Variants in MYO1D observed in about 807,000 individuals in gnomAD.
The protein encoded by MYO1D is unconventional myosin-Id.
MYO1D carries 83 observed loss-of-function variants against 122.0 expected under a neutral mutation model. That is an observed-to-expected ratio of 0.68 (90% CI 0.57 to 0.82). The LOEUF (loss-of-function observed/expected upper bound fraction) is 0.82, where lower values mean the gene tolerates loss of function less well. MYO1D is among the 40% of genes least tolerant of loss of function. The pLI is 0.00. For synonymous variants in MYO1D, 464 were observed against 446.9 expected, an observed-to-expected ratio of 1.04 and a Z score of -0.48; for missense variants, 1,157 against 1,269.5, an observed-to-expected ratio of 0.91 and a Z score of 1.35.
intron 14 of MYO1D, among the ~76,000 whole-genome samples, chr17:32,733,732 G>C (rs1326831393): frequency 6.6e-6 from 1 of 152,068 alleles, no homozygotes; most frequent in East Asian, 1.9e-4. Context: ...CAGCTTTAGG[G>C]GTTTTTTCCT....
chr17:32,842,621 G>A (rs1437927713), intron 1 of MYO1D, among the ~76,000 whole-genome samples: 1 of 152,058 alleles, frequency 6.6e-6, no homozygotes, highest in Non-Finnish European at 1.5e-5. Context: ...ACAAAGCTGT[G>A]TGCCATTTCC....
At chr17:32,512,866 G>C (rs1327836553) in intron 21 of MYO1D, 1 of 152,314 alleles carries the variant, frequency 6.6e-6, no homozygotes, top group Non-Finnish European at 1.5e-5. Context: ...GCGATGAGCT[G>C]CCCTTTGGAG....
intron 8 of MYO1D, 134 bp downstream of exon 8, chr17:32,764,744 G>A (rs1355179065): frequency 2.1e-6 from 2 of 940,092 alleles, no homozygotes; most frequent in Non-Finnish European, 3.2e-6. Context: ...AGGCTTGTAT[G>A]GCCAGAAAGT....
intron 21 of MYO1D, among the ~76,000 whole-genome samples, chr17:32,528,107 G>A (rs1910400729): frequency 6.6e-6 from 1 of 152,196 alleles, no homozygotes. Context: ...AAAGTGCTGG[G>A]ATTACAGGCG....
At chr17:32,844,227 T>C (rs900788963) in intron 1 of MYO1D, among the ~76,000 whole-genome samples, 2 of 147,596 alleles carry the variant, frequency 1.4e-5, no homozygotes, top group Non-Finnish European at 3.0e-5. Flanking sequence ...TTAATATGTA[T>C]ATATCATGTA....
At chr17:32,722,441 G>A (rs1319416304) in intron 14 of MYO1D, among the ~76,000 whole-genome samples, 2 of 152,314 alleles carry the variant, frequency 1.3e-5, no homozygotes, top group East Asian at 1.9e-4. Flanking sequence ...TCCAGCTTCT[G>A]GAGGCTGCCC....
At chr17:32,525,889 G>C (rs2150870274) in intron 21 of MYO1D, among the ~76,000 whole-genome samples, 1 of 152,232 alleles carries the variant, frequency 6.6e-6, no homozygotes, top group Middle Eastern at 3.4e-3. Context: ...CCACCTACCT[G>C]CCCTTCTCGC....
chr17:32,523,601 AGTGCCAGTCCTAGCCTGGGCAACAT>A (rs1238171853), intron 21 of MYO1D, among the ~76,000 whole-genome samples: 1 of 152,038 alleles, frequency 6.6e-6, no homozygotes, highest in Non-Finnish European at 1.5e-5. Context: ...TTTACAATCG[AGTGCCAGTCCTAGCCTGGGCAACAT>A]GGAGAAACCC....
chr17:32,825,957 G>A (rs2090718252), intron 1 of MYO1D, among the ~76,000 whole-genome samples: 1 of 151,168 alleles, frequency 6.6e-6, no homozygotes, highest in African/African-American at 2.4e-5. Flanking sequence ...GCTGAGGCAG[G>A]AGGATTGCCT....
At chr17:32,601,800 A>G (rs540620681) in intron 21 of MYO1D, among the ~76,000 whole-genome samples, 25 of 152,368 alleles carry the variant, frequency 1.6e-4, no homozygotes, top group Non-Finnish European at 3.5e-4. Context: ...GAAGTGTAAT[A>G]ATGTCAAGAA....
At chr17:32,624,779 T>C (rs2150928443) in intron 20 of MYO1D, among the ~76,000 whole-genome samples, 1 of 150,576 alleles carries the variant, frequency 6.6e-6, no homozygotes, top group East Asian at 1.9e-4. Context: ...GTTTTCCTTT[T>C]TTGTATCTTT....
At chr17:32,845,531 A>G (rs1245652272) in intron 1 of MYO1D, among the ~76,000 whole-genome samples, 4 of 152,034 alleles carry the variant, frequency 2.6e-5, no homozygotes, top group Non-Finnish European at 4.4e-5. Context: ...ATGGCAGGGA[A>G]GTATAATTCC....
chr17:32,818,361 G>GGA (rs1248371210), intron 1 of MYO1D, among the ~76,000 whole-genome samples: 81 of 152,176 alleles, frequency 5.3e-4, no homozygotes, highest in African/African-American at 1.9e-3. Context: ...CCATGTGAAG[G>GGA]CCTCATTATG....
intron 16 of MYO1D, among the ~76,000 whole-genome samples, chr17:32,710,563 A>G (rs1394364520): frequency 2.0e-5 from 3 of 152,186 alleles, no homozygotes; most frequent in Admixed American, 2.0e-4. Flanking sequence ...CCAAATCACT[A>G]ACTATAAGGC....
At chr17:32,536,955 G>A (rs1910682749) in intron 21 of MYO1D, among the ~76,000 whole-genome samples, 1 of 152,152 alleles carries the variant, frequency 6.6e-6, no homozygotes, top group African/African-American at 2.4e-5. Flanking sequence ...TATTTTTGGA[G>A]TTGAAAGGCC....
At chr17:32,603,426 G>T (rs1338439092) in intron 21 of MYO1D, among the ~76,000 whole-genome samples, 1 of 151,288 alleles carries the variant, frequency 6.6e-6, no homozygotes, top group Non-Finnish European at 1.5e-5. Context: ...TCTATACTTT[G>T]CTATAAATAT....
rs1030512201 is a variant in MYO1D at position 32,494,342 on chromosome 17, G to A, written c.*417C>T. On this transcript the variant is annotated 3_prime_UTR_variant, in exon 22 of 22. Coordinates refer to ENST00000318217, the MANE Select transcript of MYO1D (RefSeq NM_015194.3). ...GGGCTGGCTCACCTTGGGCAAGAGA[G>A]GTGGCTATGGGGCTCCCGCAGAGTG... The A allele has an allele frequency of 1.2e-5, 2 of 161,800 alleles. No individual in the cohort carries two copies. Among genetic ancestry groups the A allele is most frequent in the African/African-American group, 4.8e-5 (2 of 41,726 alleles). The allele number at this position is 161,800 out of a possible 1,614,324, so 10.0% of individuals were successfully genotyped here.
At chr17:32,617,124 G>A (rs1466515262) in intron 20 of MYO1D, among the ~76,000 whole-genome samples, 1 of 152,132 alleles carries the variant, frequency 6.6e-6, no homozygotes, top group Non-Finnish European at 1.5e-5. Context: ...AGGTTGCATT[G>A]AGCTGAGATC....
chr17:32,586,603 C>T (rs2087388497), intron 21 of MYO1D, among the ~76,000 whole-genome samples: 1 of 152,114 alleles, frequency 6.6e-6, no homozygotes, highest in Admixed American at 6.5e-5. Flanking sequence ...GTTAGTTTTA[C>T]CCAATTTCTT....
Sources: gnomAD v4.1 joint callset for allele counts (sites outside exome capture counted in the v4.1 genomes callset) on GRCh38, gnomAD v4.1.1 for gene constraint, MANE v1.5 for transcripts, NCBI Gene and HGNC (gene_info 2026-07-23, HGNC 2026-07-21) for gene names.